Variants in AVEN observed in about 807,000 individuals in gnomAD.
AVEN encodes the protein cell death regulator Aven.
A neutral mutation model predicts 38.1 loss-of-function variants in AVEN; 41 were observed. The observed-to-expected ratio is 1.08, with a 90% confidence interval of 0.84 to 1.40. The LOEUF is 1.40. Ranked by LOEUF, AVEN falls within the 40% of genes most tolerant of loss-of-function variation. The pLI is 0.00. For synonymous variants in AVEN, 206 were observed against 171.8 expected (o/e 1.20, Z -1.56); for missense variants, 605 against 438.8 (o/e 1.38, Z -3.38).
chr15:33,988,708 A>G (rs1438245270), intron 2 of AVEN, among the ~76,000 whole-genome samples: 1 of 152,268 alleles, frequency 6.6e-6, no homozygotes, highest in Non-Finnish European at 1.5e-5. Flanking sequence ...AAAACACTGT[A>G]GAATTATCGC....
At chr15:33,880,490 G>A (rs530537821) in intron 2 of AVEN, among the ~76,000 whole-genome samples, 7 of 152,120 alleles carry the variant, frequency 4.6e-5, no homozygotes, top group African/African-American at 9.7e-5. Context: ...GCTTTCAGGC[G>A]GGACCCCCTG....
At chr15:33,883,056 G>A (rs910659154) in intron 2 of AVEN, among the ~76,000 whole-genome samples, 3 of 152,168 alleles carry the variant, frequency 2.0e-5, no homozygotes, top group Admixed American at 1.3e-4. Flanking sequence ...ATCTCCAAGG[G>A]TAGGGGCTGA....
At chr15:33,861,470 T>C (rs575656437), downstream of AVEN, among the ~76,000 whole-genome samples, 106 of 135,392 alleles carry the variant, frequency 7.8e-4, no homozygotes, top group African/African-American at 2.5e-3. Flanking sequence ...TCTATCACCA[T>C]ATAAATATGC....
intron 2 of AVEN, among the ~76,000 whole-genome samples, chr15:33,917,622 A>G (rs1893202053): frequency 6.6e-6 from 1 of 152,032 alleles, no homozygotes; most frequent in South Asian, 2.1e-4. Context: ...ATATACATAT[A>G]TATACACACA....
intron 1 of AVEN, among the ~76,000 whole-genome samples, chr15:34,029,405 G>C (rs911878713): frequency 5.9e-5 from 9 of 151,728 alleles, no homozygotes; most frequent in African/African-American, 1.5e-4. Context: ...TAGGAACCGG[G>C]CAAGGTGGCT....
At chr15:34,021,004 T>G (rs1198703511) in intron 1 of AVEN, among the ~76,000 whole-genome samples, 1 of 152,236 alleles carries the variant, frequency 6.6e-6, no homozygotes, top group Non-Finnish European at 1.5e-5. Context: ...AGTCTTTTTC[T>G]GCATATACAC....
chr15:34,045,397 T>G (rs1010161482), intron 5 of AVEN, among the ~76,000 whole-genome samples: 1 of 152,226 alleles, frequency 6.6e-6, no homozygotes, highest in Non-Finnish European at 1.5e-5. Context: ...TATATCTTAC[T>G]TTAAAATATT....
In AVEN at chr15:34,039,176, C is replaced by G. The variant is rs909396810; in HGVS notation, c.-130G>C. 23 of 798,580 alleles carry G rather than the reference C, an allele frequency of 2.9e-5. No homozygotes were observed. Among genetic ancestry groups the G allele is most frequent in the African/African-American group, 3.7e-5 (2 of 53,522 alleles). 49.5% of individuals were successfully genotyped at this position (798,580 alleles called of 1,614,324 possible). ...CCCGGTAGCAGCGAGGCGCGGGGTG[C>G]GGGGCTAGGGATCGAGGCCGGCCGC... On this transcript the variant is annotated 5_prime_UTR_variant, in exon 1 of 6. Coordinates refer to ENST00000306730, the MANE Select transcript of AVEN (RefSeq NM_020371.3).
chr15:34,047,813 A>G (rs1484147881), intron 5 of AVEN, among the ~76,000 whole-genome samples: 2 of 152,034 alleles, frequency 1.3e-5, no homozygotes, highest in South Asian at 2.1e-4. Flanking sequence ...CAATGGCGCA[A>G]TCTCGGCTTA....
chr15:33,904,407 A>G (rs1472503843), intron 2 of AVEN, among the ~76,000 whole-genome samples: 3 of 152,130 alleles, frequency 2.0e-5, no homozygotes, highest in Non-Finnish European at 2.9e-5. Flanking sequence ...GCAACAGAGT[A>G]AGACTGTGTT....
At chr15:33,894,834 AT>A (rs60711076) in intron 2 of AVEN, among the ~76,000 whole-genome samples, 1 of 49,040 alleles carries the variant, frequency 2.0e-5, no homozygotes, top group African/African-American at 4.1e-5. Context: ...AATAACAATA[AT>A]AATAATAATA....
At chr15:34,075,112 G>A (rs1313744207) in exon 1 of AVEN, among the ~76,000 whole-genome samples, 1 of 147,688 alleles carries the variant, frequency 6.8e-6, no homozygotes, top group Admixed American at 6.9e-5. Flanking sequence ...GGGAGGTGGA[G>A]GTTGCAGTGG....
Position 34,070,752 on chromosome 15 carries a change from T to A in AVEN, n.721-101A>T, listed in dbSNP as rs541531409. Among the ~76,000 whole-genome samples the A allele has an allele frequency of 9.8e-5, 15 of 152,312 alleles. No homozygotes were observed. In the South Asian group the frequency reaches 3.1e-3, roughly 32 times the overall value. On this transcript the variant is annotated intron_variant and non_coding_transcript_variant, in intron 1 of 11. Coordinates refer to the AVEN transcript ENST00000675287. ...GTTGAACAACTCTGGAGACACTAAG[T>A]AATAACAGGCAAAAGACTGACACTG...
At chr15:33,932,834 C>CAAAAAAATAAAT in intron 2 of AVEN, among the ~76,000 whole-genome samples, 1 of 139,978 alleles carries the variant, frequency 7.1e-6, no homozygotes, top group South Asian at 2.3e-4. Context: ...ACAAAATAAA[C>CAAAAAAATAAAT]AAACAAATAA....
intron 2 of AVEN, among the ~76,000 whole-genome samples, chr15:33,996,903 C>T (rs913875392): frequency 1.3e-5 from 2 of 152,186 alleles, no homozygotes; most frequent in South Asian, 2.1e-4. Context: ...TAATAACAAA[C>T]TTCTCCCAGC....
downstream of AVEN, chr15:33,854,669 C>G (rs945806544): frequency 4.5e-5 from 66 of 1,473,782 alleles, no homozygotes; most frequent in Non-Finnish European, 5.8e-5. Flanking sequence ...TAAACCCCCT[C>G]TATCCTCAGT....
rs573096358 is a variant in AVEN, at chr15:33,978,820, C to A, written c.445+24212G>T. ...ATTAGAAGGATATATTAATAAACCA[C>A]AAACTTAGAAGAAACCAGAGAATAA... On this transcript the variant is annotated intron_variant, in intron 2 of 5. Transcript: ENST00000306730. Among the ~76,000 whole-genome samples the A allele has an allele frequency of 5.3e-5, 8 of 152,214 alleles. 1 individual carries two copies. The highest frequency in any genetic ancestry group is 1.9e-4 in the African/African-American group (8 of 41,552).
At position 34,039,037 on chromosome 15, in the gene AVEN, C is replaced by T; in HGVS notation, c.10G>A (p.Glu4Lys). 9.0e-7 allele frequency: 1 copy of T among 1,112,776 alleles called. No homozygotes were observed. Among genetic ancestry groups the T allele is most frequent in the Non-Finnish European group, 1.1e-6 (1 of 914,310 alleles). The allele number at this position is 1,112,776 out of a possible 1,614,324, so 68.9% of individuals were successfully genotyped here. A position where few individuals can be genotyped will look rare whatever the true frequency, so the allele number is the denominator to read the frequency against. ...CCACGGCCTCCCCGAGCTCCTCGCT[C>T]CGCCTGCATCTGGCCGCCGCTGGCG... is the stretch of plus-strand genomic sequence containing the variant. MQA[E>K]RGARGGRGRR... Residue 4 changes from glutamate to lysine, a missense_variant, in exon 1 of 6, where the codon GAG (glutamate) becomes AAG (lysine). Coordinates refer to ENST00000306730, the MANE Select transcript of AVEN (RefSeq NM_020371.3).
intron 2 of AVEN, among the ~76,000 whole-genome samples, chr15:33,906,762 C>T (rs544493): frequency 0.84 from 128,308 of 152,000 alleles, 55,583 homozygotes; most frequent in East Asian, 0.97. Flanking sequence ...GTTTAATGGG[C>T]ATAGAATTTC....
Sources: allele counts gnomAD v4.1 joint callset (sites outside exome capture counted in the v4.1 genomes callset), GRCh38; gene constraint gnomAD v4.1.1; transcripts MANE v1.5; gene names NCBI Gene and HGNC (gene_info 2026-07-23, HGNC 2026-07-21).